The following VWA8 variants were observed in gnomAD, a reference collection of about 807,000 sequenced individuals.
VWA8 encodes von Willebrand factor A domain containing 8, also known as von Willebrand factor A domain-containing protein 8.
In VWA8, 221 loss-of-function variants were observed where a neutral mutation model predicts 241.5. The ratio of observed to expected loss-of-function variants is 0.91; its 90% CI spans 0.82 to 1.02. VWA8 has a LOEUF of 1.02. VWA8 is among the 50% of genes least tolerant of loss of function. The pLI is 0.00. For synonymous variants in VWA8, 852 were observed against 827.1 expected (o/e 1.03, Z -0.52); for missense variants, 2,322 against 2,328.7 (o/e 1.00, Z 0.06).
At chr13:41,653,044 A>C (rs1593675927) in intron 37 of VWA8, among the ~76,000 whole-genome samples, 1 of 152,332 alleles carries the variant, frequency 6.6e-6, no homozygotes, top group East Asian at 1.9e-4. Context: ...AAATGTAACA[A>C]GATAGATAGA....
chr13:41,697,741 C>T (rs1044339686), intron 29 of VWA8, among the ~76,000 whole-genome samples: 23 of 152,146 alleles, frequency 1.5e-4, no homozygotes, highest in African/African-American at 5.1e-4. Context: ...TCCTGCCGTG[C>T]GGCCCAGTTC....
chr13:41,693,078 T>C (rs759558213), intron 29 of VWA8, 106 bp from the exon 30 acceptor site: 4 of 680,276 alleles, frequency 5.9e-6, no homozygotes, highest in Admixed American at 3.2e-5. Context: ...TAGTGATAAA[T>C]CAAAACAAAG....
chr13:41,919,458 TA>T (rs895395553), intron 2 of VWA8, among the ~76,000 whole-genome samples: 9 of 152,124 alleles, frequency 5.9e-5, no homozygotes, highest in African/African-American at 2.2e-4. Context: ...CCTGAGCTGC[TA>T]CTGTGTTGTA....
At chr13:41,575,929 G>T (rs1332020010) in intron 42 of VWA8, 91 bp from the exon 43 acceptor site, 2 of 923,206 alleles carry the variant, frequency 2.2e-6, no homozygotes, top group Non-Finnish European at 3.3e-6. Context: ...GACCATTATT[G>T]TCCAAAGTTG....
At chr13:41,614,158 G>C (rs182106401) in intron 38 of VWA8, among the ~76,000 whole-genome samples, 8 of 152,322 alleles carry the variant, frequency 5.3e-5, no homozygotes, top group Admixed American at 5.2e-4. Flanking sequence ...AAACAGAGTA[G>C]GCAAGAAGTC....
chr13:41,578,063 A>G (rs889803308), intron 42 of VWA8, among the ~76,000 whole-genome samples: 2 of 152,204 alleles, frequency 1.3e-5, no homozygotes, highest in African/African-American at 4.8e-5. Flanking sequence ...ATATATGCCT[A>G]GGAGAAAAAA....
chr13:41,588,977 A>T (rs866560965), intron 41 of VWA8, among the ~76,000 whole-genome samples: 4 of 152,214 alleles, frequency 2.6e-5, no homozygotes, highest in Non-Finnish European at 5.9e-5. Context: ...TTTGTTGACC[A>T]CAATGATTCA....
chr13:41,797,497 C>A (rs1289569440), intron 17 of VWA8, among the ~76,000 whole-genome samples: 3 of 152,108 alleles, frequency 2.0e-5, no homozygotes, highest in African/African-American at 7.2e-5. Context: ...TTTACTAACT[C>A]TTAGAATATA....
In VWA8 at chr13:41,623,011, C is replaced by T. The variant is rs189720436; in HGVS notation, c.4612-7927G>A. Among the ~76,000 whole-genome samples, 54 of 152,258 alleles carry T rather than the reference C, an allele frequency of 3.5e-4. 1 individual carries two copies. Among genetic ancestry groups the T allele is most frequent in the Admixed American group, 3.1e-3 (47 of 15,294 alleles). On this transcript the variant is annotated intron_variant, in intron 37 of 44. Coordinates refer to ENST00000379310, the MANE Select transcript of VWA8 (RefSeq NM_015058.2). ...CTTGGCTGGAATTAAGCACAATAAT[C>T]CCATTCTCCTTTGTCAGTGACTGGT...
At chr13:41,913,935 G>C (rs948010943) in intron 2 of VWA8, among the ~76,000 whole-genome samples, 2 of 152,224 alleles carry the variant, frequency 1.3e-5, no homozygotes, top group African/African-American at 2.4e-5. Context: ...AAAATGTTTA[G>C]ATGTTACAAT....
chr13:41,828,663 CAT>C (rs1016045962), intron 14 of VWA8, among the ~76,000 whole-genome samples: 3 of 152,120 alleles, frequency 2.0e-5, no homozygotes, highest in African/African-American at 7.2e-5. Flanking sequence ...TACACACACA[CAT>C]ACATGTCTTT....
At position 41,907,638 on chromosome 13, in the gene VWA8, T is replaced by C; in HGVS notation, c.431A>G (p.Asp144Gly). 6.2e-7 allele frequency: 1 copy of C among 1,614,178 alleles called. No homozygotes were observed. The highest frequency in any genetic ancestry group is 8.5e-7 in the Non-Finnish European group (1 of 1,180,010). Residue 144 changes from aspartate to glycine, a missense_variant, in exon 4 of 45, where the codon GAT becomes GGT. Physicochemically the swap from Asp to Gly is moderately conservative, Grantham distance 94 (BLOSUM62 -1). Transcript: ENST00000379310. ...ACGGATCTCTCGTCGCTGTTTGAGA[T>C]CAGTTTCAGTGGTGTCCCTTGACAG... ...IALSRDTTET[D>G]LKQRREIRAG...
At chr13:41,866,585 T>C (rs1253990139) in intron 10 of VWA8, among the ~76,000 whole-genome samples, 1 of 152,142 alleles carries the variant, frequency 6.6e-6, no homozygotes, top group Non-Finnish European at 1.5e-5. Flanking sequence ...TGATCATTAT[T>C]ACAAATCTTC....
intron 26 of VWA8, among the ~76,000 whole-genome samples, chr13:41,706,389 A>G (rs1462962620): frequency 6.6e-6 from 1 of 152,238 alleles, no homozygotes; most frequent in Non-Finnish European, 1.5e-5. Flanking sequence ...AAACTGAAAG[A>G]CACATAACAC....
chr13:41,845,428 G>C (rs1273287933), intron 12 of VWA8, among the ~76,000 whole-genome samples: 1 of 151,960 alleles, frequency 6.6e-6, no homozygotes, highest in Non-Finnish European at 1.5e-5. Flanking sequence ...AAAGAACTTA[G>C]AACTATCTTC....
intron 19 of VWA8, among the ~76,000 whole-genome samples, chr13:41,782,947 A>C (rs1868957685): frequency 6.6e-6 from 1 of 151,318 alleles, no homozygotes; most frequent in African/African-American, 2.4e-5. Flanking sequence ...CAAGGAGAGA[A>C]TTCTCTACCC....
At chr13:41,772,465 CAAAA>C (rs566779127) in intron 20 of VWA8, among the ~76,000 whole-genome samples, 2 of 71,618 alleles carry the variant, frequency 2.8e-5, no homozygotes, top group African/African-American at 6.5e-5. Flanking sequence ...AACAAACAAA[CAAAA>C]AAAAAATCAG....
At chr13:41,918,941 C>A (rs1449690897) in intron 2 of VWA8, among the ~76,000 whole-genome samples, 1 of 152,036 alleles carries the variant, frequency 6.6e-6, no homozygotes, top group Non-Finnish European at 1.5e-5. Context: ...TTTGGAAAAT[C>A]TCCAAATATT....
intron 18 of VWA8, among the ~76,000 whole-genome samples, chr13:41,785,735 G>C (rs913445477): frequency 7.2e-5 from 11 of 152,020 alleles, no homozygotes; most frequent in African/African-American, 2.4e-4. Flanking sequence ...AAAACCATGA[G>C]CTGTAACACT....
Sources: allele counts gnomAD v4.1 joint callset (sites outside exome capture counted in the v4.1 genomes callset), GRCh38; gene constraint gnomAD v4.1.1; transcripts MANE v1.5; gene names NCBI Gene and HGNC (gene_info 2026-07-23, HGNC 2026-07-21).